The following ARMC2 variants were observed in gnomAD, a reference collection of about 807,000 sequenced individuals.
ARMC2 encodes the protein armadillo repeat containing 2.
A neutral mutation model predicts 90.3 loss-of-function variants in ARMC2; 67 were observed. The ratio of observed to expected loss-of-function variants is 0.74; its 90% confidence interval spans 0.61 to 0.91. ARMC2 has a LOEUF of 0.91. Among genes scored for constraint, ARMC2 ranks in the 40% least tolerant of loss-of-function variants. The probability of loss-of-function intolerance (pLI) is 0.00; values close to 1 mark genes in which losing one functional copy is unlikely to be tolerated. For missense variants in ARMC2, 920 were observed against 1,030.9 expected (o/e 0.89, Z 1.47); for synonymous variants, 393 against 393.0 (o/e 1.00, Z 0.00).
intron 8 of ARMC2, 77 bp from the exon 9 acceptor site, chr6:108,910,822 A>T: frequency 1.4e-6 from 1 of 713,498 alleles, no homozygotes; most frequent in African/African-American, 1.9e-5. Context: ...TACTTTAAAA[A>T]TAGATGTGGT....
chr6:108,894,052 C>A (rs1041381143), intron 5 of ARMC2, among the ~76,000 whole-genome samples: 1 of 152,090 alleles, frequency 6.6e-6, no homozygotes, highest in East Asian at 1.9e-4. Context: ...ATCTTTTAAA[C>A]AATTCTCGAT....
At position 108,956,534 on chromosome 6, in the gene ARMC2, T is replaced by TA. The variant is rs112863867; in HGVS notation, c.1915+3200dup. Among the ~76,000 whole-genome samples the TA allele has an allele frequency of 8.8e-3, 1,187 of 135,006 alleles. 15 individuals carry two copies. Among genetic ancestry groups the TA allele is most frequent in the African/African-American group, 0.025 (918 of 36,250 alleles). 88.6% of individuals were successfully genotyped at this position (135,006 alleles called of 152,430 possible). A position where few individuals can be genotyped will look rare whatever the true frequency, so the allele number is the denominator to read the frequency against. ...CAACATGGCAAAACCCTGTCTCTAT[T>TA]AAAAAAAAAAAAAAAAATTAGCTGA... On this transcript the variant is annotated intron_variant, in intron 13 of 17. Coordinates refer to ENST00000392644, the MANE Select transcript of ARMC2 (RefSeq NM_032131.6).
chr6:108,898,778 T>G (rs945294551), intron 6 of ARMC2, among the ~76,000 whole-genome samples: 4 of 152,210 alleles, frequency 2.6e-5, no homozygotes, highest in Non-Finnish European at 5.9e-5. Flanking sequence ...GGAGACAGTT[T>G]GGGAACCTCC....
intron 5 of ARMC2, among the ~76,000 whole-genome samples, chr6:108,877,076 C>G (rs998458111): frequency 6.6e-6 from 1 of 152,114 alleles, no homozygotes; most frequent in Non-Finnish European, 1.5e-5. Flanking sequence ...TTTTCCAGTC[C>G]CAGCCAGTAA....
At chr6:109,047,964 C>T in the ARMC2 span, among the ~76,000 whole-genome samples, 1 of 147,124 alleles carries the variant, frequency 6.8e-6, no homozygotes, top group East Asian at 2.0e-4. Flanking sequence ...CTGCGGAAGG[C>T]CACAGGGTCC....
intron 5 of ARMC2, among the ~76,000 whole-genome samples, chr6:108,886,667 G>C (rs1001483103): frequency 6.6e-6 from 1 of 152,056 alleles, no homozygotes; most frequent in Admixed American, 6.6e-5. Context: ...TACAGCCCTT[G>C]AGCTAATAAT....
chr6:109,004,669 A>C, the ARMC2 span, among the ~76,000 whole-genome samples: 3 of 152,132 alleles, frequency 2.0e-5, no homozygotes, highest in Non-Finnish European at 4.4e-5. Context: ...TGACCTCGTG[A>C]TGCGCCCACC....
chr6:108,849,217 C>T (rs912357079), intron 1 of ARMC2, among the ~76,000 whole-genome samples: 6 of 152,272 alleles, frequency 3.9e-5, no homozygotes, highest in South Asian at 4.1e-4. Flanking sequence ...ACAGATCTTA[C>T]GTCCCACCCT....
chr6:108,888,968 TACTCAGCCCATAGTGTGGGTTGAGTAA>T (rs1224772396), intron 5 of ARMC2, among the ~76,000 whole-genome samples: 1 of 152,182 alleles, frequency 6.6e-6, no homozygotes, highest in Non-Finnish European at 1.5e-5. Flanking sequence ...CAGATTCATT[TACTCAGCCCATAGTGTGGGTTGAGTAA>T]ACCCATGGAA....
intron 10 of ARMC2, among the ~76,000 whole-genome samples, chr6:108,918,496 T>C (rs543304710): frequency 1.3e-5 from 2 of 150,070 alleles, no homozygotes; most frequent in Non-Finnish European, 3.0e-5. Context: ...TTTTTTTTTT[T>C]AAATTTCTGA....
At chr6:108,994,659 A>G in the ARMC2 span, 3 of 1,235,290 alleles carry the variant, frequency 2.4e-6, no homozygotes, top group Admixed American at 4.6e-5. Context: ...TAGAATATAT[A>G]TGAATTATCT....
the ARMC2 span, among the ~76,000 whole-genome samples, chr6:109,011,296 A>G: frequency 2.0e-5 from 3 of 152,232 alleles, no homozygotes; most frequent in South Asian, 6.2e-4. Flanking sequence ...TTTCAGATAT[A>G]CTGAAATTGT....
At chr6:108,937,108 C>A in intron 12 of ARMC2, 109 bp downstream of exon 12, 1 of 999,194 alleles carries the variant, frequency 1.0e-6, no homozygotes, top group Non-Finnish European at 1.4e-6. Context: ...CTATAAGAAA[C>A]TTCCATTAAA....
the ARMC2 span, among the ~76,000 whole-genome samples, chr6:109,024,071 T>C: frequency 1.3e-5 from 2 of 152,168 alleles, no homozygotes; most frequent in African/African-American, 4.8e-5. Context: ...CATTTCATTA[T>C]ATCTCAATTG....
chr6:108,968,885 G>A (rs1778562091), intron 17 of ARMC2, among the ~76,000 whole-genome samples: 1 of 152,158 alleles, frequency 6.6e-6, no homozygotes, highest in Non-Finnish European at 1.5e-5. Flanking sequence ...TCGTTGGAAT[G>A]TTGACAGTCT....
the ARMC2 span, among the ~76,000 whole-genome samples, chr6:109,003,095 G>A: frequency 6.6e-6 from 1 of 151,916 alleles, no homozygotes; most frequent in Non-Finnish European, 1.5e-5. Flanking sequence ...AAATCTGTTA[G>A]GGTTTCCTTT....
intron 11 of ARMC2, among the ~76,000 whole-genome samples, chr6:108,929,836 A>G (rs1389678792): frequency 1.3e-5 from 2 of 152,102 alleles, no homozygotes. Context: ...GGTCAGGCAC[A>G]GTGGCTCACA....
At chr6:108,948,072 G>T (rs1776930247) in intron 12 of ARMC2, among the ~76,000 whole-genome samples, 2 of 152,190 alleles carry the variant, frequency 1.3e-5, no homozygotes, top group Non-Finnish European at 2.9e-5. Context: ...CTAAATAGAT[G>T]ATTTTGGCCT....
chr6:108,880,568 A>C (rs1213054697), intron 5 of ARMC2, among the ~76,000 whole-genome samples: 2 of 152,234 alleles, frequency 1.3e-5, no homozygotes, highest in African/African-American at 4.8e-5. Context: ...AGGAACGAAG[A>C]TAATGATCAA....
Sources: gnomAD v4.1 joint callset for allele counts (sites outside exome capture counted in the v4.1 genomes callset) on GRCh38, gnomAD v4.1.1 for gene constraint, MANE v1.5 for transcripts, NCBI Gene and HGNC (gene_info 2026-07-23, HGNC 2026-07-21) for gene names.